The following NR6A1 variants were observed in gnomAD, a reference collection of about 807,000 sequenced individuals.
The protein encoded by NR6A1 is retinoic acid receptor-related testis-associated receptor.
Under a neutral mutation model 59.1 loss-of-function variants are expected in NR6A1, and 7 were observed. The observed-to-expected ratio is 0.12, with a 90% CI of 0.07 to 0.22. The LOEUF is 0.22. NR6A1 is among the 10% of genes least tolerant of loss of function. The pLI, the probability that NR6A1 is intolerant of heterozygous loss-of-function variation, is 1.00. For synonymous variants in NR6A1, 243 were observed against 236.1 expected (o/e 1.03, Z -0.27); for missense variants, 468 against 611.6 (o/e 0.77, Z 2.48).
intron 1 of NR6A1, among the ~76,000 whole-genome samples, chr9:124,741,596 T>C (rs530380621): frequency 6.6e-6 from 1 of 152,316 alleles, no homozygotes; most frequent in South Asian, 2.1e-4. Flanking sequence ...AATGGTAAAT[T>C]TTATGCTACG....
At chr9:124,541,682 A>G (rs978735597) in intron 4 of NR6A1, among the ~76,000 whole-genome samples, 8 of 152,250 alleles carry the variant, frequency 5.3e-5, no homozygotes, top group African/African-American at 1.9e-4. Context: ...ATCTATGGGT[A>G]TTAATCCAAA....
At position 124,517,867 on chromosome 9, in the gene NR6A1, G is replaced by C. The variant is rs1431532927; in HGVS notation, c.*4838C>G. The C allele has an allele frequency of 6.6e-6, 1 of 152,120 alleles. No individual in the cohort carries two copies. Among genetic ancestry groups the C allele is most frequent in the Non-Finnish European group, 1.5e-5 (1 of 68,054 alleles). 9.4% of individuals were successfully genotyped at this position (152,120 alleles called of 1,614,324 possible). On this transcript the variant is annotated 3_prime_UTR_variant, in exon 10 of 10. Transcript: ENST00000487099. ...GGCAGGCGGGGCTTCTTTCCCGACA[G>C]AAACATGTAAACAGAGCAGGAGCTA...
chr9:124,532,531 T>C (rs1049819974), intron 7 of NR6A1, among the ~76,000 whole-genome samples: 1 of 152,208 alleles, frequency 6.6e-6, no homozygotes, highest in Non-Finnish European at 1.5e-5. Flanking sequence ...CATGTCTGCA[T>C]CACCTGTGAT....
chr9:124,647,851 A>C (rs1486932980), intron 2 of NR6A1, among the ~76,000 whole-genome samples: 1 of 152,162 alleles, frequency 6.6e-6, no homozygotes, highest in East Asian at 1.9e-4. Context: ...AGCCCAGGAC[A>C]TGATGGTTTT....
chr9:124,633,517 C>T (rs745761714), intron 2 of NR6A1, among the ~76,000 whole-genome samples: 1 of 151,490 alleles, frequency 6.6e-6, no homozygotes, highest in African/African-American at 2.4e-5. Flanking sequence ...AACATAGACT[C>T]AATGTGTCAC....
At chr9:124,741,919 G>C (rs910673452) in intron 1 of NR6A1, among the ~76,000 whole-genome samples, 4 of 152,180 alleles carry the variant, frequency 2.6e-5, no homozygotes, top group African/African-American at 9.7e-5. Flanking sequence ...TCAGGGAGAA[G>C]AGAAGCAGCA....
chr9:124,629,127 G>A (rs564254870), intron 2 of NR6A1, among the ~76,000 whole-genome samples: 1 of 152,220 alleles, frequency 6.6e-6, no homozygotes, highest in East Asian at 1.9e-4. Context: ...CATTCTTCCT[G>A]CCACAAGTGA....
intron 1 of NR6A1, among the ~76,000 whole-genome samples, chr9:124,738,752 C>T (rs1840086943): frequency 6.6e-6 from 1 of 151,986 alleles, no homozygotes; most frequent in African/African-American, 2.4e-5. Context: ...CACCTGTAAT[C>T]CCAGCACTTT....
intron 2 of NR6A1, among the ~76,000 whole-genome samples, chr9:124,694,696 A>G (rs541093624): frequency 2.3e-4 from 35 of 152,352 alleles, no homozygotes; most frequent in African/African-American, 6.5e-4. Flanking sequence ...TTTATCATAC[A>G]CTTAAGTCTA....
intron 2 of NR6A1, among the ~76,000 whole-genome samples, chr9:124,604,683 G>A (rs1835530410): frequency 1.3e-5 from 2 of 152,030 alleles, no homozygotes; most frequent in Non-Finnish European, 2.9e-5. Context: ...GGTGGTGCAC[G>A]CCTGTGGTCC....
intron 2 of NR6A1, among the ~76,000 whole-genome samples, chr9:124,653,892 ACAGT>A (rs1309977316): frequency 2.6e-5 from 4 of 152,222 alleles, no homozygotes; most frequent in Non-Finnish European, 5.9e-5. Flanking sequence ...TATTAACCAA[ACAGT>A]CAGCCAACAT....
At chr9:124,695,687 AAG>A (rs1045231148) in intron 2 of NR6A1, among the ~76,000 whole-genome samples, 1 of 152,016 alleles carries the variant, frequency 6.6e-6, no homozygotes, top group African/African-American at 2.4e-5. Context: ...GTCTTTATAG[AAG>A]AGTTTTTTGT....
chr9:124,694,579 T>C (rs1050793550), intron 2 of NR6A1, among the ~76,000 whole-genome samples: 25 of 152,164 alleles, frequency 1.6e-4, no homozygotes, highest in African/African-American at 5.1e-4. Context: ...ACATTTTTCT[T>C]AACAAAAAAT....
At chr9:124,719,830 A>G (rs1056495069) in intron 2 of NR6A1, among the ~76,000 whole-genome samples, 1 of 152,020 alleles carries the variant, frequency 6.6e-6, no homozygotes, top group Non-Finnish European at 1.5e-5. Context: ...TGAGGTGAGA[A>G]GAACTGCTTG....
chr9:124,601,552 C>G (rs1835449375), intron 2 of NR6A1, among the ~76,000 whole-genome samples: 1 of 142,020 alleles, frequency 7.0e-6, no homozygotes. Context: ...CCACTGCACT[C>G]CAGCCTGGGC....
intron 2 of NR6A1, chr9:124,607,221 C>T (rs1835600606): frequency 6.6e-6 from 1 of 152,190 alleles, no homozygotes; most frequent in African/African-American, 2.4e-5. Context: ...AGAAAGGTCA[C>T]TTGAGCCTAG....
chr9:124,602,111 A>C (rs1835467900), intron 2 of NR6A1, among the ~76,000 whole-genome samples: 1 of 152,228 alleles, frequency 6.6e-6, no homozygotes, highest in African/African-American at 2.4e-5. Flanking sequence ...GAACTGAGGA[A>C]CCTGGAAAAG....
intron 2 of NR6A1, among the ~76,000 whole-genome samples, chr9:124,719,697 T>C (rs1485033631): frequency 6.6e-6 from 1 of 152,002 alleles, no homozygotes; most frequent in Non-Finnish European, 1.5e-5. Context: ...GGTGCGCGGA[T>C]TGCTTGAGTC....
intron 2 of NR6A1, among the ~76,000 whole-genome samples, chr9:124,646,659 G>A (rs147134029): frequency 2.6e-5 from 4 of 152,080 alleles, no homozygotes; most frequent in African/African-American, 7.2e-5. Context: ...ACTAACAATA[G>A]CTAATGAGCT....
Sources: gnomAD v4.1 joint callset for allele counts (sites outside exome capture counted in the v4.1 genomes callset) on GRCh38, gnomAD v4.1.1 for gene constraint, MANE v1.5 for transcripts, NCBI Gene and HGNC (gene_info 2026-07-23, HGNC 2026-07-21) for gene names.